Variants in ADD2 observed in about 807,000 individuals in gnomAD.
The protein encoded by ADD2 is adducin 2.
A neutral mutation model predicts 83.0 loss-of-function variants in ADD2; 23 were observed. The ratio of observed to expected loss-of-function variants is 0.28; its 90% CI spans 0.20 to 0.39. The LOEUF is 0.39. ADD2 is among the 10% of genes least tolerant of loss of function. The pLI is 1.00. For synonymous variants in ADD2, 375 were observed against 375.4 expected (o/e 1.00, Z 0.01); for missense variants, 758 against 944.9 (o/e 0.80, Z 2.59).
chr2:70,704,279 C>CCCCCCCCCA, intron 4 of ADD2, 42 bp downstream of exon 4: 1 of 1,494,164 alleles, frequency 6.7e-7, no homozygotes. Flanking sequence ...CCCCACCCTC[C>CCCCCCCCCA]CCTCCACCTC....
At chr2:70,694,821 C>T (rs553975124) in intron 6 of ADD2, among the ~76,000 whole-genome samples, 13 of 152,198 alleles carry the variant, frequency 8.5e-5, no homozygotes, top group South Asian at 2.1e-4. Context: ...CTGGAACACT[C>T]GGTAACCCTG....
rs781979265 is a variant in ADD2 at position 70,692,509 on chromosome 2, C to G, written c.599G>C (p.Ser200Thr). Residue 200 changes from serine (S) to threonine (T), a missense_variant, in exon 7 of 16, where the codon AGC becomes ACC. Transcript: ENST00000264436. Reference protein sequence around the residue: ...ILGEVVEKGSSCFPVDTTGFC... With the variant: ...ILGEVVEKGSTCFPVDTTGFC... ...GCCTGTGGTGTCCACTGGGAAGCAG[C>G]TGCTGCCCTTCTCCACCACCTCTCC... 2 of 1,612,654 alleles carry G rather than the reference C, an allele frequency of 1.2e-6. No homozygotes were observed.
intron 1 of ADD2, among the ~76,000 whole-genome samples, chr2:70,728,384 C>A (rs1553378702): frequency 1.3e-5 from 2 of 152,168 alleles, no homozygotes; most frequent in Non-Finnish European, 2.9e-5. Context: ...GCCTGAAGCC[C>A]ACAGCGGGGG....
chr2:70,726,446 G>C (rs1673006182), intron 1 of ADD2, among the ~76,000 whole-genome samples: 1 of 152,148 alleles, frequency 6.6e-6, no homozygotes, highest in South Asian at 2.1e-4. Context: ...CAGTGCTAAT[G>C]AGTTTTGACT....
At chr2:70,683,481 C>A in intron 10 of ADD2, 110 bp downstream of exon 10, 1 of 1,188,298 alleles carries the variant, frequency 8.4e-7, no homozygotes, top group Non-Finnish European at 1.2e-6. Flanking sequence ...CTTCAACAAC[C>A]TAGTTGTGAT....
At chr2:70,759,251 G>A in intron 1 of ADD2, among the ~76,000 whole-genome samples, 1 of 152,184 alleles carries the variant, frequency 6.6e-6, no homozygotes, top group East Asian at 1.9e-4. Context: ...GAAGCTTGCA[G>A]GATGAGGCCC....
chr2:70,713,776 C>T (rs555488367), intron 1 of ADD2, among the ~76,000 whole-genome samples: 12 of 152,110 alleles, frequency 7.9e-5, no homozygotes, highest in Non-Finnish European at 1.3e-4. Context: ...AACTCCTGCA[C>T]GAGCCCAGAC....
At chr2:70,663,822 T>C in intron 15 of ADD2, 87 bp from the exon 16 acceptor site, 2 of 1,385,158 alleles carry the variant, frequency 1.4e-6, no homozygotes, top group Non-Finnish European at 1.9e-6. Flanking sequence ...TTCTAGGGAA[T>C]TCTATAAAAT....
At chr2:70,665,183 G>C (rs1227542764) in intron 15 of ADD2, among the ~76,000 whole-genome samples, 1 of 152,136 alleles carries the variant, frequency 6.6e-6, no homozygotes, top group African/African-American at 2.4e-5. Context: ...TCTTAACAGG[G>C]GTGAAGTCTG....
chr2:70,697,465 C>A (rs10489988), intron 4 of ADD2, among the ~76,000 whole-genome samples: 1 of 152,172 alleles, frequency 6.6e-6, no homozygotes, highest in South Asian at 2.1e-4. Context: ...TGCCTACATG[C>A]CTCAGGAAGG....
chr2:70,676,824 C>T lies in ADD2; in HGVS notation c.1565G>A (p.Ser522Asn). 1 of 1,614,214 alleles carries T rather than the reference C, an allele frequency of 6.2e-7. No homozygotes were observed. ...GCTTCGGCTCTTCTCGGCAATGACG[C>T]TCGCCAGGAGCTGGGACTGAGGCCC... The part of the protein sequence containing the change: ...SAGPQSQLLA[S>N]VIAEKSRSPS... The change falls in exon 13 of 16, where the codon AGC becomes AAC. Residue 522 changes from serine (S) to asparagine (N), a missense_variant. This residue lies in a region of ADD2 where 394 missense variants were observed against 509.3 expected (regional missense o/e 0.77). Transcript: ENST00000264436. The surrounding 1 kb of genome is among the most constrained non-coding windows in gnomAD (Gnocchi z 4.8).
At chr2:70,747,109 C>T (rs1674247852) in intron 1 of ADD2, among the ~76,000 whole-genome samples, 1 of 148,312 alleles carries the variant, frequency 6.7e-6, no homozygotes, top group African/African-American at 2.5e-5. Flanking sequence ...CTCCCAGGTT[C>T]ACGCCATTCT....
In ADD2 at chr2:70,747,586, C is replaced by A. The variant is rs547089279; in HGVS notation, c.-154+20300G>T. Reference sequence around the variant, plus strand: ...TCTATCATGCCACATGCTCTCCCATCATGCTATATGCCTTCCTATCATGCT... The same window carrying A: ...TCTATCATGCCACATGCTCTCCCATAATGCTATATGCCTTCCTATCATGCT... On this transcript the variant is annotated intron_variant, in intron 1 of 15. Coordinates refer to ENST00000264436, the MANE Select transcript of ADD2 (RefSeq NM_001617.4). Among the ~76,000 whole-genome samples, 11 of 152,250 alleles carry A rather than the reference C, an allele frequency of 7.2e-5. No homozygotes were observed. In the South Asian group the frequency reaches 2.1e-3, roughly 29 times the overall value.
At chr2:70,737,247 A>C (rs1480731988) in intron 1 of ADD2, among the ~76,000 whole-genome samples, 1 of 152,184 alleles carries the variant, frequency 6.6e-6, no homozygotes, top group East Asian at 1.9e-4. Context: ...AGGATTATAA[A>C]TCATACTGCT....
chr2:70,695,244 C>G (rs80074663), intron 6 of ADD2, among the ~76,000 whole-genome samples: 2 of 152,096 alleles, frequency 1.3e-5, no homozygotes. Context: ...CTGCTTTCCT[C>G]CCCCCATCTG....
intron 2 of ADD2, among the ~76,000 whole-genome samples, chr2:70,710,683 T>C (rs1432208626): frequency 6.6e-6 from 1 of 152,254 alleles, no homozygotes; most frequent in Non-Finnish European, 1.5e-5. Context: ...ACTACCTGGG[T>C]TCAAATCTCA....
chr2:70,730,853 G>T (rs189940766), intron 1 of ADD2, among the ~76,000 whole-genome samples: 45 of 152,280 alleles, frequency 3.0e-4, no homozygotes, highest in African/African-American at 7.7e-4. Flanking sequence ...ATGCTGCAAG[G>T]TTTGCAGCCT....
At chr2:70,734,649 G>GTA (rs1558567979) in intron 1 of ADD2, among the ~76,000 whole-genome samples, 1 of 152,192 alleles carries the variant, frequency 6.6e-6, no homozygotes. Context: ...AGGATGACCA[G>GTA]TATCTTTGGG....
At chr2:70,667,246 C>G (rs537385703) in intron 15 of ADD2, among the ~76,000 whole-genome samples, 1 of 152,054 alleles carries the variant, frequency 6.6e-6, no homozygotes, top group Non-Finnish European at 1.5e-5. Context: ...AAAATGGGGG[C>G]TCTGTCCAAG....
Sources: allele counts gnomAD v4.1 joint callset (sites outside exome capture counted in the v4.1 genomes callset), GRCh38; gene constraint gnomAD v4.1.1; regional missense constraint gnomAD v4.1.1; non-coding constraint Gnocchi (gnomAD v3.1); transcripts MANE v1.5; gene names NCBI Gene and HGNC (gene_info 2026-07-23, HGNC 2026-07-21).